The following FAM13C variants were observed in gnomAD, a reference collection of about 807,000 sequenced individuals.
FAM13C encodes the protein protein FAM13C.
A neutral mutation model predicts 73.2 loss-of-function variants in FAM13C; 37 were observed. The ratio of observed to expected loss-of-function variants is 0.51; its 90% CI spans 0.39 to 0.67. The LOEUF (loss-of-function observed/expected upper bound fraction) is 0.67, where lower values mean the gene tolerates loss of function less well. Among genes scored for constraint, FAM13C ranks in the 30% least tolerant of loss-of-function variants. The probability of loss-of-function intolerance (pLI) is 0.00; values close to 1 mark genes in which losing one functional copy is unlikely to be tolerated. For missense variants in FAM13C, 589 were observed against 715.6 expected (o/e 0.82, Z 2.02); for synonymous variants, 246 against 260.9 (o/e 0.94, Z 0.55).
chr10:59,347,687 C>G (rs1331658492), intron 3 of FAM13C, among the ~76,000 whole-genome samples: 1 of 151,960 alleles, frequency 6.6e-6, no homozygotes, highest in Non-Finnish European at 1.5e-5. Context: ...AGCCCCCCAC[C>G]CCGCAACAGG....
intron 4 of FAM13C, among the ~76,000 whole-genome samples, chr10:59,306,747 C>T (rs1382192567): frequency 1.2e-4 from 19 of 152,170 alleles, no homozygotes; most frequent in Admixed American, 1.2e-3. Flanking sequence ...TGGCGGTGTG[C>T]ACCTGTAATC....
At chr10:59,295,582 GC>G (rs1846817841) in intron 5 of FAM13C, among the ~76,000 whole-genome samples, 8 of 152,154 alleles carry the variant, frequency 5.3e-5, no homozygotes, top group Admixed American at 5.2e-4. Flanking sequence ...CCCAGCCAGT[GC>G]CTAGATTTCA....
Position 59,246,515 on chromosome 10 carries a change from A to G in FAM13C, c.*1099T>C, listed in dbSNP as rs1366892559. 5.1e-6 allele frequency: 2 copies of G among 391,250 alleles called. No homozygotes were observed. The highest frequency in any genetic ancestry group is 9.0e-6 in the Non-Finnish European group (2 of 221,384). The allele number at this position is 391,250 out of a possible 1,614,324, so 24.2% of individuals were successfully genotyped here. A position where few individuals can be genotyped will look rare whatever the true frequency, so the allele number is the denominator to read the frequency against. On this transcript the variant is annotated 3_prime_UTR_variant, in exon 14 of 14. Coordinates refer to ENST00000618804, the MANE Select transcript of FAM13C (RefSeq NM_198215.4). ...AAATAGAAATACAAACAAGGTTGGT[A>G]CATGAGAGAAAATGTTGACCTTTTA... is the stretch of plus-strand genomic sequence containing the variant.
intron 3 of FAM13C, 139 bp from the exon 4 acceptor site, chr10:59,324,245 C>A: frequency 1.6e-6 from 1 of 637,970 alleles, no homozygotes; most frequent in Non-Finnish European, 2.6e-6. Context: ...GGAAGGGAGC[C>A]AATTCACTGG....
chr10:59,289,582 G>C (rs568675888), intron 5 of FAM13C, among the ~76,000 whole-genome samples: 2 of 152,168 alleles, frequency 1.3e-5, no homozygotes, highest in Non-Finnish European at 2.9e-5. Flanking sequence ...CCCCTTCCTC[G>C]TGGGGCTTCC....
chr10:59,314,351 C>T lies in FAM13C; in HGVS notation c.443+9637G>A, dbSNP rs180833271. ...GAACATGCAGTTCATTTAATCCTTG[C>T]GACAGTAGCTCTGGGAAGTAGATAT... On this transcript the variant is annotated intron_variant, in intron 4 of 13. Transcript: ENST00000618804. Among the ~76,000 whole-genome samples the T allele has an allele frequency of 4.5e-4, 68 of 152,262 alleles. 1 individual carries two copies. Among genetic ancestry groups the T allele is most frequent in the South Asian group, 2.3e-3 (11 of 4,824 alleles).
intron 11 of FAM13C, chr10:59,254,106 A>G (rs1841689064): frequency 5.1e-6 from 2 of 391,646 alleles, no homozygotes; most frequent in Non-Finnish European, 4.5e-6. Flanking sequence ...AGCAAATGTT[A>G]AAATTGGCTC....
intron 4 of FAM13C, 64 bp from the exon 5 acceptor site, chr10:59,302,928 G>T (rs1847770016): frequency 4.1e-6 from 6 of 1,473,912 alleles, no homozygotes; most frequent in Non-Finnish European, 4.7e-6. Flanking sequence ...TACATGTGAA[G>T]CTGGTGGCTA....
In FAM13C at chr10:59,274,026, A is replaced by T. The variant is rs2133595604; in HGVS notation, c.593-3917T>A. Among the ~76,000 whole-genome samples, 3 of 152,304 alleles carry T rather than the reference A, an allele frequency of 2.0e-5. 1 individual carries two copies. Among genetic ancestry groups the T allele is most frequent in the Admixed American group, 2.0e-4 (3 of 15,284 alleles). ...GGGCTCATAAATAGCATTCAGGGAC[A>T]TTCCAAAATGCCAAACTTCAGCCTT... On this transcript the variant is annotated intron_variant, in intron 6 of 13. Coordinates refer to ENST00000618804, the MANE Select transcript of FAM13C (RefSeq NM_198215.4).
At chr10:59,281,020 C>A (rs1844867162) in intron 6 of FAM13C, among the ~76,000 whole-genome samples, 1 of 152,078 alleles carries the variant, frequency 6.6e-6, no homozygotes. Flanking sequence ...TTATTGACAT[C>A]AAAAATTACT....
At chr10:59,301,597 C>T (rs940142618) in intron 5 of FAM13C, among the ~76,000 whole-genome samples, 1 of 152,098 alleles carries the variant, frequency 6.6e-6, no homozygotes, top group Non-Finnish European at 1.5e-5. Flanking sequence ...TTGACTCTTA[C>T]AATCACCTCA....
At chr10:59,274,494 T>C (rs144312094) in intron 6 of FAM13C, among the ~76,000 whole-genome samples, 26 of 152,256 alleles carry the variant, frequency 1.7e-4, no homozygotes, top group African/African-American at 4.8e-4. Flanking sequence ...AGCAGTCTTA[T>C]GTGCCAGTTT....
chr10:59,310,627 C>A (rs1367431271), intron 4 of FAM13C, among the ~76,000 whole-genome samples: 3 of 152,042 alleles, frequency 2.0e-5, no homozygotes, highest in African/African-American at 7.2e-5. Context: ...TGAAAGAAAA[C>A]AAAACTCGAA....
chr10:59,274,342 G>A (rs991956680), intron 6 of FAM13C, among the ~76,000 whole-genome samples: 4 of 152,160 alleles, frequency 2.6e-5, no homozygotes, highest in African/African-American at 9.6e-5. Flanking sequence ...AATAACCAAG[G>A]CGAGAAAACA....
chr10:59,260,979 T>C (rs1448673568), intron 10 of FAM13C, among the ~76,000 whole-genome samples: 1 of 152,222 alleles, frequency 6.6e-6, no homozygotes, highest in Non-Finnish European at 1.5e-5. Flanking sequence ...AATCCTGTTC[T>C]AACTCTACTA....
At chr10:59,321,494 C>T (rs1405011652) in intron 4 of FAM13C, among the ~76,000 whole-genome samples, 1 of 127,280 alleles carries the variant, frequency 7.9e-6, no homozygotes, top group Non-Finnish European at 1.6e-5. Flanking sequence ...TTCTATCCTA[C>T]AGAACTATGA....
chr10:59,352,198 T>C (rs1382946259), intron 3 of FAM13C, 72 bp downstream of exon 3: 15 of 1,558,312 alleles, frequency 9.6e-6, no homozygotes, highest in Non-Finnish European at 1.3e-5. Context: ...GCTCAAATCG[T>C]CTGCCAGAAC....
chr10:59,323,842 T>C (rs956710445), intron 4 of FAM13C, 146 bp downstream of exon 4: 1 of 739,456 alleles, frequency 1.4e-6, no homozygotes, highest in East Asian at 2.5e-5. Flanking sequence ...ATTCCTCTTC[T>C]AGGCCCCTTT....
At position 59,259,528 on chromosome 10, in the gene FAM13C, G is replaced by A. The variant is rs570246882; in HGVS notation, c.1236+2906C>T. On this transcript the variant is annotated intron_variant, in intron 10 of 13. Transcript: ENST00000618804. ...TGTAGCCTCTGGACTCACACTGAGT[G>A]TAGTGGCTGACTAGCTACTACATGG... is the stretch of plus-strand genomic sequence containing the variant. Among the ~76,000 whole-genome samples, 5 of 152,282 alleles carry A rather than the reference G, an allele frequency of 3.3e-5. No individual in the cohort carries two copies. In the South Asian group the frequency reaches 1.0e-3, roughly 32 times the overall value.
Sources: allele counts gnomAD v4.1 joint callset (sites outside exome capture counted in the v4.1 genomes callset), GRCh38; gene constraint gnomAD v4.1.1; transcripts MANE v1.5; gene names NCBI Gene and HGNC (gene_info 2026-07-23, HGNC 2026-07-21).